The following LMO2 variants were observed in gnomAD, a reference collection of about 807,000 sequenced individuals.
LMO2 encodes rhombotin-2.
LMO2 carries 20 observed loss-of-function variants against 23.2 expected under a neutral mutation model. That is an observed-to-expected ratio of 0.86 (90% CI 0.61 to 1.25). The LOEUF (loss-of-function observed/expected upper bound fraction) is 1.25, where lower values mean the gene tolerates loss of function less well. Among genes scored for constraint, LMO2 ranks in the 50% most tolerant of loss-of-function variants. The probability of loss-of-function intolerance (pLI) is 0.00; values close to 1 mark genes in which losing one functional copy is unlikely to be tolerated. For synonymous variants in LMO2, 123 were observed against 130.2 expected, an observed-to-expected ratio of 0.94 and a Z score of 0.38; for missense variants, 270 against 315.3, an observed-to-expected ratio of 0.86 and a Z score of 1.09.
chr11:33,859,626 G>C lies in LMO2; in HGVS notation c.465-51C>G, dbSNP rs771529720. ...GAAGACAGTGAAAGGGACAATCCTG[G>C]AAGACAGGGCTCGGGGATGAGCCCT... On this transcript the variant is annotated intron_variant, in intron 5 of 5. Coordinates refer to ENST00000257818, the MANE Select transcript of LMO2 (RefSeq NM_005574.4). The C allele has an allele frequency of 6.4e-5, 99 of 1,558,714 alleles. No individual in the cohort carries two copies. In the African/African-American group the frequency reaches 1.2e-3, roughly 19 times the overall value.
At chr11:33,872,482 G>C (rs2133703039) in intron 2 of LMO2, among the ~76,000 whole-genome samples, 1 of 152,290 alleles carries the variant, frequency 6.6e-6, no homozygotes, top group Middle Eastern at 3.4e-3. Flanking sequence ...CTGGTATATA[G>C]TAAGCACTCA....
chr11:33,887,355 C>T (rs369285561), intron 1 of LMO2, among the ~76,000 whole-genome samples: 2 of 149,712 alleles, frequency 1.3e-5, no homozygotes. Flanking sequence ...GACTCATTAC[C>T]GTCAATTTTC....
chr11:33,860,706 G>T (rs1015180918), intron 5 of LMO2, among the ~76,000 whole-genome samples: 2 of 152,244 alleles, frequency 1.3e-5, no homozygotes, highest in East Asian at 3.9e-4. Context: ...GGAGGTGGAG[G>T]TTGCAGTGAG....
chr11:33,874,662 GA>G (rs1857095320), intron 2 of LMO2, among the ~76,000 whole-genome samples: 1 of 152,236 alleles, frequency 6.6e-6, no homozygotes, highest in Non-Finnish European at 1.5e-5. Context: ...AAAGAGTGCT[GA>G]GACTGGGGTG....
chr11:33,885,209 G>A (rs1046993358), intron 1 of LMO2, among the ~76,000 whole-genome samples: 1 of 152,182 alleles, frequency 6.6e-6, no homozygotes, highest in Non-Finnish European at 1.5e-5. Context: ...AGGTGAAGCA[G>A]GTTCCCTCTG....
At chr11:33,871,176 G>GGACACA in intron 2 of LMO2, 2 of 370,266 alleles carry the variant, frequency 5.4e-6, no homozygotes, top group Non-Finnish European at 7.4e-6. Context: ...CCAAGGCTTG[G>GGACACA]GTCCCTAATG....
Position 33,859,237 on chromosome 11 carries a change from C to T in LMO2, c.*119G>A. ...TGATACCCAATAAAGGTCTACCATCCCCTAAGAAATCCCTTACCCCACCCT... is the reference window on the plus strand; with the variant it reads ...TGATACCCAATAAAGGTCTACCATCTCCTAAGAAATCCCTTACCCCACCCT... On this transcript the variant is annotated 3_prime_UTR_variant, in exon 6 of 6. Transcript: ENST00000257818. 1 of 679,200 alleles carries T rather than the reference C, an allele frequency of 1.5e-6. No homozygotes were observed. Among genetic ancestry groups the T allele is most frequent in the Non-Finnish European group, 2.6e-6 (1 of 385,084 alleles). The allele number at this position is 679,200 out of a possible 1,614,324, so 42.1% of individuals were successfully genotyped here.
In LMO2 at chr11:33,864,481, C is replaced by T; in HGVS notation, c.464+121G>A. Reference sequence around the variant, plus strand: ...TGAGACTCAGCCTCTGCAGTCTGACCTCTTTCTATAGGTGGTGTCCGAGCC... The same window carrying T: ...TGAGACTCAGCCTCTGCAGTCTGACTTCTTTCTATAGGTGGTGTCCGAGCC... On this transcript the variant is annotated intron_variant, in intron 5 of 5. Coordinates refer to ENST00000257818, the MANE Select transcript of LMO2 (RefSeq NM_005574.4). The surrounding 1 kb of genome is among the most constrained non-coding windows in gnomAD (Gnocchi z 4.8). 1.4e-6 allele frequency: 1 copy of T among 739,534 alleles called. No homozygotes were observed. Among genetic ancestry groups the T allele is most frequent in the East Asian group, 2.7e-5 (1 of 36,942 alleles). 45.8% of individuals were successfully genotyped at this position (739,534 alleles called of 1,614,324 possible).
intron 4 of LMO2, chr11:33,865,147 A>C (rs1590632963): frequency 7.0e-5 from 26 of 370,094 alleles, no homozygotes; most frequent in East Asian, 4.3e-4. Context: ...GCTTTTTCCC[A>C]CTCTCCCCGC....
At chr11:33,882,489 G>C (rs972341178) in intron 1 of LMO2, among the ~76,000 whole-genome samples, 1 of 152,138 alleles carries the variant, frequency 6.6e-6, no homozygotes, top group Admixed American at 6.6e-5. Context: ...CCTTAGACTC[G>C]GGCATTCTTG....
intron 1 of LMO2, among the ~76,000 whole-genome samples, chr11:33,885,966 C>T (rs1197414716): frequency 1.3e-5 from 2 of 152,138 alleles, no homozygotes; most frequent in African/African-American, 4.8e-5. Flanking sequence ...GCCTCTGCCT[C>T]CCAGGTTCAA....
chr11:33,887,114 A>G (rs909848443), intron 1 of LMO2, among the ~76,000 whole-genome samples: 31 of 152,290 alleles, frequency 2.0e-4, no homozygotes, highest in African/African-American at 6.0e-4. Context: ...TAGTAAGTGT[A>G]AAATGAGGGC....
At chr11:33,879,693 G>T (rs1857217940) in intron 2 of LMO2, among the ~76,000 whole-genome samples, 1 of 151,968 alleles carries the variant, frequency 6.6e-6, no homozygotes, top group Admixed American at 6.6e-5. Context: ...AATGGGCAAA[G>T]AACTTGAATC....
In LMO2 at chr11:33,871,595, GTT is replaced by G. The variant is rs34492647; in HGVS notation, c.-271-1610_-271-1609del. The stretch of plus-strand genomic sequence containing the variant: ...AAAAAAAAAAAAAAAAAAAAGTTGG[GTT>G]TTTTTTTTTCCGATAGACCCTTGTT... On this transcript the variant is annotated intron_variant, in intron 2 of 5. Coordinates refer to ENST00000257818, the MANE Select transcript of LMO2 (RefSeq NM_005574.4). 4.7e-4 allele frequency among the ~76,000 whole-genome samples: 62 copies of G among 131,812 alleles called. No homozygotes were observed. The Middle Eastern group carries it at 0.012, about 26-fold the overall frequency. The allele number at this position is 131,812 out of a possible 152,430, so 86.5% of individuals were successfully genotyped here.
At position 33,890,092 on chromosome 11, in the gene LMO2, G is replaced by A. The variant is rs1295765609; in HGVS notation, c.-336+1703C>T. On this transcript the variant is annotated intron_variant, in intron 1 of 5. Coordinates refer to ENST00000257818, the MANE Select transcript of LMO2 (RefSeq NM_005574.4). ...CACTCATAAGTGGGAGCTAAATAAT[G>A]TGAACACATGGCATTAGGGTATGGA... 2.6e-5 allele frequency among the ~76,000 whole-genome samples: 4 copies of A among 152,174 alleles called. No homozygotes were observed. The South Asian group carries it at 6.2e-4, about 24-fold the overall frequency.
chr11:33,870,495 CG>C, intron 2 of LMO2: 1 of 986,750 alleles, frequency 1.0e-6, no homozygotes, highest in Non-Finnish European at 1.2e-6. Context: ...CTCCGGGCTG[CG>C]GGCTCCGGGC....
chr11:33,869,305 G>C (rs1325245774), intron 4 of LMO2, 41 bp downstream of exon 4: 14 of 1,142,658 alleles, frequency 1.2e-5, no homozygotes, highest in Non-Finnish European at 1.5e-5. Flanking sequence ...ACGCGAGGCC[G>C]TGGACACCGG....
At chr11:33,886,060 T>A (rs1857398466) in intron 1 of LMO2, among the ~76,000 whole-genome samples, 1 of 152,144 alleles carries the variant, frequency 6.6e-6, no homozygotes, top group African/African-American at 2.4e-5. Flanking sequence ...GTATTTTTAG[T>A]AGAGACGGGG....
At chr11:33,891,094 C>T (rs1054851461) in intron 1 of LMO2, among the ~76,000 whole-genome samples, 8 of 152,184 alleles carry the variant, frequency 5.3e-5, no homozygotes, top group African/African-American at 1.9e-4. Context: ...CAGTACCTGG[C>T]ACAAAGTAGA....
Sources: gnomAD v4.1 joint callset for allele counts (sites outside exome capture counted in the v4.1 genomes callset) on GRCh38, gnomAD v4.1.1 for gene constraint, Gnocchi (gnomAD v3.1) non-coding constraint, MANE v1.5 for transcripts, NCBI Gene and HGNC (gene_info 2026-07-23, HGNC 2026-07-21) for gene names.